The following ZC3H12D variants were observed in gnomAD, a reference collection of about 807,000 sequenced individuals.
ZC3H12D encodes the protein zinc finger CCCH-type containing 12D, also known as probable ribonuclease ZC3H12D.
ZC3H12D carries 11 observed loss-of-function variants against 24.2 expected under a neutral mutation model. The ratio of observed to expected loss-of-function variants is 0.46; its 90% confidence interval spans 0.29 to 0.75. The LOEUF (loss-of-function observed/expected upper bound fraction) is 0.75. Ranked by LOEUF, ZC3H12D falls within the 30% of genes least tolerant of loss-of-function variation. The pLI is 0.11. For missense variants in ZC3H12D, 740 were observed against 767.7 expected, an observed-to-expected ratio of 0.96 and a Z score of 0.43; for synonymous variants, 333 against 341.8, an observed-to-expected ratio of 0.97 and a Z score of 0.28.
At chr6:149,482,017 C>T (rs976397924) in intron 1 of ZC3H12D, among the ~76,000 whole-genome samples, 4 of 152,308 alleles carry the variant, frequency 2.6e-5, no homozygotes, top group Admixed American at 2.0e-4. Flanking sequence ...CCTGGAGGGG[C>T]GCAGGGACAG....
intron 4 of ZC3H12D, among the ~76,000 whole-genome samples, chr6:149,455,954 T>TG (rs1775973520): frequency 7.0e-6 from 1 of 141,890 alleles, no homozygotes; most frequent in Non-Finnish European, 1.5e-5. Context: ...AATTTTGATT[T>TG]AAAAAAAAAA....
In ZC3H12D at chr6:149,456,623, G is replaced by GGGGTCAGGCCC; in HGVS notation, c.680+42_680+43insGGGCCTGACCC. On this transcript the variant is annotated intron_variant, in intron 4 of 5. Transcript: ENST00000409806. This position sits in a 1 kb window ranked among gnomAD's most constrained non-coding sequence, Gnocchi z 4.3. ...GCCACTGCCTCGACCCCGGCCCCCCGCCCCGCCGCCCCCCAGGGTGTCAGG... is the reference window on the plus strand; with the variant it reads ...GCCACTGCCTCGACCCCGGCCCCCCGGGGTCAGGCCCCCCCGCCGCCCCCCAGGGTGTCAGG... The GGGGTCAGGCCC allele has an allele frequency of 1.3e-6, 1 of 744,590 alleles. No homozygotes were observed. Among genetic ancestry groups the GGGGTCAGGCCC allele is most frequent in the Non-Finnish European group, 2.2e-6 (1 of 456,108 alleles). The allele number at this position is 744,590 out of a possible 1,614,324, so 46.1% of individuals were successfully genotyped here.
chr6:149,477,136 C>T (rs1287412672), intron 1 of ZC3H12D, among the ~76,000 whole-genome samples: 2 of 152,252 alleles, frequency 1.3e-5, no homozygotes, highest in African/African-American at 4.8e-5. Context: ...CCCTCTTCTC[C>T]TATTTGACTT....
rs533847483 is a variant in ZC3H12D, at chr6:149,450,742, T to C, written c.1525A>G (p.Arg509Gly). 6.5e-7 allele frequency: 1 copy of C among 1,548,762 alleles called. No homozygotes were observed. Among genetic ancestry groups the C allele is most frequent in the South Asian group, 1.2e-5 (1 of 83,962 alleles). ...CATCTCTGTACCAGGAGGATGAGCC[T>C]GGCGAGGTCTGAGAGCTCCGGGAAC... ...AAFPELSDLA[R>G]LILLVQRCQS... Residue 509 changes from arginine (R) to glycine (G), a missense_variant, in exon 6 of 6, where the codon AGG becomes GGG. Arg to Gly is a moderately radical substitution (Grantham distance 125). Transcript: ENST00000409806.
At chr6:149,457,090 C>A (rs951829025) in intron 3 of ZC3H12D, among the ~76,000 whole-genome samples, 190 bp from the exon 4 acceptor site, 1 of 152,186 alleles carries the variant, frequency 6.6e-6, no homozygotes. Flanking sequence ...TGCCTGAAGC[C>A]CCAGGTCAAG....
At chr6:149,474,098 T>C in intron 2 of ZC3H12D, 141 bp downstream of exon 2, 2 of 624,916 alleles carry the variant, frequency 3.2e-6, no homozygotes, top group Non-Finnish European at 5.0e-6. Context: ...ACACAGTTAC[T>C]AAGAGATGGT....
intron 2 of ZC3H12D, among the ~76,000 whole-genome samples, chr6:149,471,083 C>T (rs907862078): frequency 9.2e-5 from 14 of 152,340 alleles, no homozygotes; most frequent in African/African-American, 3.4e-4. Context: ...TTACGTTGAC[C>T]CACCTCTTAC....
chr6:149,475,621 C>T (rs1776326496), intron 1 of ZC3H12D, among the ~76,000 whole-genome samples: 1 of 151,860 alleles, frequency 6.6e-6, no homozygotes, highest in African/African-American at 2.4e-5. Context: ...GAGGCTGAGG[C>T]AGGAGAATCT....
chr6:149,447,717 T>C lies in ZC3H12D; in HGVS notation c.*2966A>G, dbSNP rs1212507426. ...TACCTGTCCCATCTATGTTTTTCTG[T>C]CACAAAGACATATACTAAGACTTTG... is the stretch of plus-strand genomic sequence containing the variant. On this transcript the variant is annotated 3_prime_UTR_variant, in exon 6 of 6. Transcript: ENST00000409806. 2 of 152,214 alleles carry C rather than the reference T, an allele frequency of 1.3e-5. No individual in the cohort carries two copies. The highest frequency in any genetic ancestry group is 4.8e-5 in the African/African-American group (2 of 41,452). 9.4% of individuals were successfully genotyped at this position (152,214 alleles called of 1,614,324 possible). A position where few individuals can be genotyped will look rare whatever the true frequency, so the allele number is the denominator to read the frequency against.
intron 4 of ZC3H12D, among the ~76,000 whole-genome samples, chr6:149,455,091 G>T (rs1775957543): frequency 6.6e-6 from 1 of 152,174 alleles, no homozygotes. Context: ...AGGTTGAGTG[G>T]TTCCCCCTTG....
Position 149,465,321 on chromosome 6 carries a change from T to C in ZC3H12D, c.306-3351A>G, listed in dbSNP as rs532663726. On this transcript the variant is annotated intron_variant, in intron 2 of 5. Coordinates refer to ENST00000409806, the MANE Select transcript of ZC3H12D (RefSeq NM_207360.3). ...GTGAGCTGAGATCAAGCCACTGCAC[T>C]CCAGCCTGGGTGACAGTGTGAGACT... 1.4e-3 allele frequency among the ~76,000 whole-genome samples: 202 copies of C among 148,812 alleles called. 1 individual carries two copies. The highest frequency in any genetic ancestry group is 4.9e-3 in the African/African-American group (196 of 39,966).
chr6:149,477,909 C>T (rs1355194708), intron 1 of ZC3H12D, among the ~76,000 whole-genome samples: 7 of 152,100 alleles, frequency 4.6e-5, no homozygotes, highest in African/African-American at 1.7e-4. Context: ...GGGCTCATGC[C>T]TGTAATCACA....
intron 2 of ZC3H12D, among the ~76,000 whole-genome samples, chr6:149,467,430 T>G (rs1164370736): frequency 6.6e-6 from 1 of 152,064 alleles, no homozygotes; most frequent in African/African-American, 2.4e-5. Context: ...TTTTAAAAAT[T>G]TGTTGTAGAG....
intron 3 of ZC3H12D, among the ~76,000 whole-genome samples, chr6:149,460,602 AGGTG>A (rs1295556408): frequency 6.6e-6 from 1 of 152,200 alleles, no homozygotes; most frequent in East Asian, 1.9e-4. Flanking sequence ...TGGGAGGCAG[AGGTG>A]GGTGGATCAC....
Position 149,452,290 on chromosome 6 carries a change from C to T in ZC3H12D, c.787+326G>A, listed in dbSNP as rs147742170. 1,566 of 277,016 alleles carry T rather than the reference C, an allele frequency of 5.7e-3. 9 individuals are homozygous for T. The highest frequency in any genetic ancestry group is 8.8e-3 in the Non-Finnish European group (1,302 of 148,214). The allele number at this position is 277,016 out of a possible 1,614,324, so 17.2% of individuals were successfully genotyped here. A position where few individuals can be genotyped will look rare whatever the true frequency, so the allele number is the denominator to read the frequency against. On this transcript the variant is annotated intron_variant, in intron 5 of 5. Transcript: ENST00000409806. The surrounding 1 kb of genome is among the most constrained non-coding windows in gnomAD (Gnocchi z 4.0). ...GAGCAGGGTAGGGTGAGGACAGAAG[C>T]TGCCAGGGGCCAGGTGAAGGGACTG...
In ZC3H12D at chr6:149,476,524, T is replaced by C. The variant is rs375996261; in HGVS notation, c.-70-1911A>G. ...ATCTCTCAAAAAAAAAAATGCATTT[T>C]TGGCTGGGCATGGTGGCTCCTGTCT... is the stretch of plus-strand genomic sequence containing the variant. On this transcript the variant is annotated intron_variant, in intron 1 of 5. Transcript: ENST00000409806. 2.8e-3 allele frequency among the ~76,000 whole-genome samples: 424 copies of C among 152,126 alleles called. 3 individuals are homozygous for C. The highest frequency in any genetic ancestry group is 9.8e-3 in the African/African-American group (406 of 41,504).
At chr6:149,478,837 C>T (rs1381931111) in intron 1 of ZC3H12D, among the ~76,000 whole-genome samples, 3 of 152,144 alleles carry the variant, frequency 2.0e-5, no homozygotes, top group Admixed American at 2.0e-4. Context: ...ACTGTAACAG[C>T]CTCCATCTGG....
intron 2 of ZC3H12D, among the ~76,000 whole-genome samples, chr6:149,468,261 A>T (rs531408797): frequency 6.6e-6 from 1 of 152,316 alleles, no homozygotes; most frequent in Non-Finnish European, 1.5e-5. Flanking sequence ...GATTACAGGC[A>T]TAAGCCACTG....
chr6:149,478,075 G>A (rs1435025068), intron 1 of ZC3H12D, among the ~76,000 whole-genome samples: 1 of 150,938 alleles, frequency 6.6e-6, no homozygotes, highest in African/African-American at 2.4e-5. Flanking sequence ...GCTGAGGCAG[G>A]AGAATCGCTT....
Sources: allele counts gnomAD v4.1 joint callset (sites outside exome capture counted in the v4.1 genomes callset), GRCh38; gene constraint gnomAD v4.1.1; non-coding constraint Gnocchi (gnomAD v3.1); transcripts MANE v1.5; gene names NCBI Gene and HGNC (gene_info 2026-07-23, HGNC 2026-07-21).